HMCN1: variants seen among roughly 807,000 people sequenced by gnomAD.
HMCN1 encodes the protein hemicentin-1.
In HMCN1, 321 loss-of-function variants were observed where a neutral mutation model predicts 625.9. That is an observed-to-expected ratio of 0.51 (90% CI 0.47 to 0.56). HMCN1 has a LOEUF of 0.56. HMCN1 is among the 20% of genes least tolerant of loss of function. HMCN1 has a pLI of 0.00. For missense variants in HMCN1, 6,588 were observed against 6,887.3 expected (o/e 0.96, Z 1.54); for synonymous variants, 2,425 against 2,417.6 (o/e 1.00, Z -0.09).
chr1:186,178,338 C>T (rs1652725585), intron 103 of HMCN1, 78 bp from the exon 104 acceptor site: 1 of 1,041,662 alleles, frequency 9.6e-7, no homozygotes, highest in Admixed American at 1.8e-5. Flanking sequence ...GTTTCACAGA[C>T]TCATTCTTTA....
intron 30 of HMCN1, among the ~76,000 whole-genome samples, chr1:186,014,773 G>A (rs1184797730): frequency 6.6e-6 from 1 of 152,086 alleles, no homozygotes; most frequent in Non-Finnish European, 1.5e-5. Flanking sequence ...ATTGGGGAGA[G>A]GGCATACAGT....
At position 185,863,425 on chromosome 1, in the gene HMCN1, C is replaced by A. The variant is rs147703681; in HGVS notation, c.340-1045C>A. On this transcript the variant is annotated intron_variant, in intron 2 of 106. Transcript: ENST00000271588. Reference sequence around the variant, plus strand: ...TATTGCTATCAGTTTGTCTGTTTGTCTATCTACCATTTATAATGGAGAAGT... The same window carrying A: ...TATTGCTATCAGTTTGTCTGTTTGTATATCTACCATTTATAATGGAGAAGT... Among the ~76,000 whole-genome samples, 16 of 152,244 alleles carry A rather than the reference C, an allele frequency of 1.1e-4. No homozygotes were observed. In the East Asian group the frequency reaches 3.1e-3, roughly 29 times the overall value.
intron 1 of HMCN1, among the ~76,000 whole-genome samples, chr1:185,788,959 T>C (rs1657809630): frequency 6.6e-6 from 1 of 152,138 alleles, no homozygotes; most frequent in Admixed American, 6.6e-5. Context: ...TTCTGAGAAA[T>C]TACAAAATAA....
At chr1:185,860,633 C>T (rs1662811614) in intron 2 of HMCN1, among the ~76,000 whole-genome samples, 1 of 152,118 alleles carries the variant, frequency 6.6e-6, no homozygotes, top group Admixed American at 6.6e-5. Flanking sequence ...TTTTACTTGA[C>T]ATTCTCCAAT....
At chr1:186,103,787 A>G in intron 69 of HMCN1, 119 bp downstream of exon 69, 1 of 820,530 alleles carries the variant, frequency 1.2e-6, no homozygotes, top group Non-Finnish European at 1.9e-6. Context: ...GTGTAACTGG[A>G]GCAGGATGGA....
Position 186,182,077 on chromosome 1 carries a change from A to G in HMCN1, c.16295-91A>G, listed in dbSNP as rs1225598505. On this transcript the variant is annotated intron_variant, in intron 104 of 106. Transcript: ENST00000271588. ...ATAAAATCACCAAGAAGTTTTTCTAATGTATATCAACAACTTGATGAGAGT... is the reference window on the plus strand; with the variant it reads ...ATAAAATCACCAAGAAGTTTTTCTAGTGTATATCAACAACTTGATGAGAGT... 4 of 1,424,960 alleles carry G rather than the reference A, an allele frequency of 2.8e-6. No homozygotes were observed. In the East Asian group the frequency reaches 6.9e-5, roughly 24 times the overall value. The allele number at this position is 1,424,960 out of a possible 1,614,324, so 88.3% of individuals were successfully genotyped here.
chr1:186,093,271 T>C lies in HMCN1; in HGVS notation c.10012+13T>C, dbSNP rs748191921. The stretch of plus-strand genomic sequence containing the variant: ...TTGAATGTCTATGGTAAATATGAAA[T>C]ATCCCCCTCTTTTGATGATGCTGCC... On this transcript the variant is annotated intron_variant, in intron 65 of 106. Coordinates refer to ENST00000271588, the MANE Select transcript of HMCN1 (RefSeq NM_031935.3). The C allele has an allele frequency of 6.2e-7, 1 of 1,613,206 alleles. No homozygotes were observed. Among genetic ancestry groups the C allele is most frequent in the Admixed American group, 1.7e-5 (1 of 59,862 alleles).
intron 98 of HMCN1, 89 bp downstream of exon 98, chr1:186,165,262 G>A: frequency 9.1e-7 from 1 of 1,099,302 alleles, no homozygotes; most frequent in South Asian, 1.3e-5. Context: ...CCTTTCACTA[G>A]GTATTTAATC....
chr1:185,756,666 A>G (rs1655152984), intron 1 of HMCN1, among the ~76,000 whole-genome samples: 1 of 152,036 alleles, frequency 6.6e-6, no homozygotes, highest in Admixed American at 6.6e-5. Flanking sequence ...TTGTCTATTC[A>G]TATTTTAAAT....
chr1:185,778,303 G>C (rs1039923816), intron 1 of HMCN1, among the ~76,000 whole-genome samples: 3 of 151,924 alleles, frequency 2.0e-5, no homozygotes, highest in Middle Eastern at 3.4e-3. Flanking sequence ...CTCTATGAAG[G>C]CTTCCCATTC....
Position 185,997,497 on chromosome 1 carries a change from C to A in HMCN1, c.3847C>A (p.Arg1283Ser), listed in dbSNP as rs781327521. 6.2e-7 allele frequency: 1 copy of A among 1,611,132 alleles called. No homozygotes were observed. The highest frequency in any genetic ancestry group is 1.1e-5 in the South Asian group (1 of 91,038). ...TTFQERVANQRIEFPCPAKGT... is the reference protein window; with the variant it reads ...TTFQERVANQSIEFPCPAKGT... The stretch of plus-strand genomic sequence containing the variant: ...TTTCCAAGAAAGAGTGGCCAATCAA[C>A]GCATTGAATTTCCATGTCCTGCAAA... Residue 1283 changes from arginine to serine, a missense_variant, in exon 25 of 107, where the codon CGC (arginine) becomes AGC (serine). Physicochemically the swap from Arg to Ser is moderately radical, Grantham distance 110. This residue lies in a region of HMCN1 where 4,628 missense variants were observed against 4,853.1 expected (regional missense o/e 0.95). Transcript: ENST00000271588.
At chr1:185,815,405 T>G (rs1391694502) in intron 1 of HMCN1, among the ~76,000 whole-genome samples, 1 of 150,218 alleles carries the variant, frequency 6.7e-6, no homozygotes, top group Non-Finnish European at 1.5e-5. Context: ...GCATTGTAAG[T>G]GCTTATAATC....
At chr1:185,778,815 T>C (rs1182937413) in intron 1 of HMCN1, among the ~76,000 whole-genome samples, 3 of 152,196 alleles carry the variant, frequency 2.0e-5, no homozygotes, top group Non-Finnish European at 4.4e-5. Context: ...TACGTGTGCA[T>C]GTGTCTTTAT....
At chr1:186,157,261 A>G (rs1308303419) in intron 97 of HMCN1, among the ~76,000 whole-genome samples, 1 of 152,208 alleles carries the variant, frequency 6.6e-6, no homozygotes, top group East Asian at 1.9e-4. Context: ...GGTTTCTATT[A>G]CTATCATACA....
At chr1:185,897,274 A>ATTCTGATC (rs1360715496) in intron 4 of HMCN1, among the ~76,000 whole-genome samples, 4 of 152,164 alleles carry the variant, frequency 2.6e-5, no homozygotes, top group Non-Finnish European at 5.9e-5. Context: ...TCTAGCTGCC[A>ATTCTGATC]CATTACTGAT....
chr1:185,838,488 A>G (rs1661301045), intron 1 of HMCN1, among the ~76,000 whole-genome samples: 1 of 152,012 alleles, frequency 6.6e-6, no homozygotes, highest in Admixed American at 6.5e-5. Context: ...ACAGATTCCT[A>G]TTGGGGAACC....
chr1:186,020,237 T>TGATAGATA (rs4007525), intron 35 of HMCN1, among the ~76,000 whole-genome samples: 50,016 of 149,802 alleles, frequency 0.33, 8,622 homozygotes, highest in Middle Eastern at 0.39. Context: ...AGTAGATTGA[T>TGATAGATA]GATAGATAGA....
chr1:186,065,438 G>A lies in HMCN1; in HGVS notation c.7705+9G>A. On this transcript the variant is annotated intron_variant, in intron 49 of 106. Coordinates refer to ENST00000271588, the MANE Select transcript of HMCN1 (RefSeq NM_031935.3). ...CAGTCTTAATGTATTTGGTAGGTGTGGGCTTTTCTTCATATCTTAAAGAAT... is the reference window on the plus strand; with the variant it reads ...CAGTCTTAATGTATTTGGTAGGTGTAGGCTTTTCTTCATATCTTAAAGAAT... 1 of 1,569,436 alleles carries A rather than the reference G, an allele frequency of 6.4e-7. No individual in the cohort carries two copies. The highest frequency in any genetic ancestry group is 8.6e-7 in the Non-Finnish European group (1 of 1,165,540).
chr1:186,178,999 C>A (rs1463845243), intron 104 of HMCN1, among the ~76,000 whole-genome samples: 1 of 152,116 alleles, frequency 6.6e-6, no homozygotes, highest in Non-Finnish European at 1.5e-5. Flanking sequence ...TAGTCAGTTT[C>A]TTTTTGGTCA....
Sources: gnomAD v4.1 joint callset for allele counts (sites outside exome capture counted in the v4.1 genomes callset) on GRCh38, gnomAD v4.1.1 for gene constraint, gnomAD v4.1.1 regional missense constraint, MANE v1.5 for transcripts, NCBI Gene and HGNC (gene_info 2026-07-23, HGNC 2026-07-21) for gene names.